Variants in ABCE1 observed in about 807,000 individuals in gnomAD.
ABCE1 encodes the protein ATP binding cassette subfamily E member 1.
In ABCE1, 22 loss-of-function variants were observed where a neutral mutation model predicts 83.4. The ratio of observed to expected loss-of-function variants is 0.26; its 90% confidence interval spans 0.19 to 0.38. The LOEUF is 0.38. Ranked by LOEUF, ABCE1 falls within the 10% of genes least tolerant of loss-of-function variation. The pLI is 1.00. For synonymous variants in ABCE1, 204 were observed against 233.7 expected, an observed-to-expected ratio of 0.87 and a Z score of 1.16; for missense variants, 330 against 721.9, an observed-to-expected ratio of 0.46 and a Z score of 6.22.
intron 8 of ABCE1, 135 bp downstream of exon 8, chr4:145,111,199 T>G: frequency 3.6e-6 from 2 of 555,772 alleles, no homozygotes; most frequent in South Asian, 5.4e-5. Flanking sequence ...AGGTAAGATG[T>G]TGAAGCAGTT....
chr4:145,116,148 T>A (rs1749602699), intron 9 of ABCE1, among the ~76,000 whole-genome samples: 1 of 151,832 alleles, frequency 6.6e-6, no homozygotes, highest in South Asian at 2.1e-4. Flanking sequence ...ACCAGAGAAG[T>A]AGAGAAGTGG....
At chr4:145,110,845 A>G (rs1476847812) in intron 7 of ABCE1, 123 bp from the exon 8 acceptor site, 1 of 631,108 alleles carries the variant, frequency 1.6e-6, no homozygotes, top group African/African-American at 1.9e-5. Flanking sequence ...ATCTCCAGTA[A>G]TTGTTATATT....
At chr4:145,102,015 T>G (rs1749166012) in intron 1 of ABCE1, among the ~76,000 whole-genome samples, 1 of 152,128 alleles carries the variant, frequency 6.6e-6, no homozygotes, top group East Asian at 1.9e-4. Flanking sequence ...ACTCTGCATT[T>G]AGAAGCCTGG....
At chr4:145,102,783 G>A (rs899562589) in intron 1 of ABCE1, among the ~76,000 whole-genome samples, 1 of 152,158 alleles carries the variant, frequency 6.6e-6, no homozygotes, top group Non-Finnish European at 1.5e-5. Context: ...TGTGTAGTAG[G>A]GGGTGAACTA....
Position 145,123,413 on chromosome 4 carries a change from C to G in ABCE1, c.1517+56C>G, listed in dbSNP as rs1749795597. ...TTATGTATACTGTCCTACAAGTGTG[C>G]TTAATATAACAGTCGAATGTTTTAT... On this transcript the variant is annotated intron_variant, in intron 15 of 17. Transcript: ENST00000296577. 28 of 1,586,928 alleles carry G rather than the reference C, an allele frequency of 1.8e-5. No homozygotes were observed. The South Asian group carries it at 3.0e-4, about 17-fold the overall frequency.
At chr4:145,125,376 G>C (rs1427346028) in intron 17 of ABCE1, among the ~76,000 whole-genome samples, 1 of 152,124 alleles carries the variant, frequency 6.6e-6, no homozygotes, top group African/African-American at 2.4e-5. Flanking sequence ...TCTGAGGCAG[G>C]AGAATCACTT....
In ABCE1 at chr4:145,112,220, T is replaced by C. The variant is rs1468465803; in HGVS notation, c.711-19T>C. On this transcript the variant is annotated intron_variant, in intron 8 of 17. Transcript: ENST00000296577. ...TGTCTTTCAAACTTATATTTGCTTT[T>C]TTTTTTTTTTTTTCATAGTTTCATG... The C allele has an allele frequency of 1.4e-6, 2 of 1,414,534 alleles. No homozygotes were observed. The highest frequency in any genetic ancestry group is 1.9e-4 in the Middle Eastern group (1 of 5,304). The allele number at this position is 1,414,534 out of a possible 1,614,324, so 87.6% of individuals were successfully genotyped here. A position where few individuals can be genotyped will look rare whatever the true frequency, so the allele number is the denominator to read the frequency against.
At chr4:145,108,545 A>G (rs943765083) in intron 4 of ABCE1, among the ~76,000 whole-genome samples, 2 of 152,240 alleles carry the variant, frequency 1.3e-5, no homozygotes, top group African/African-American at 4.8e-5. Context: ...GACATGTATT[A>G]TTAAGGCACA....
rs898799461 is a variant in ABCE1 at position 145,105,772 on chromosome 4, T to C, written c.189+82T>C. 7 of 890,894 alleles carry C rather than the reference T, an allele frequency of 7.9e-6. No individual in the cohort carries two copies. The Admixed American group carries it at 1.2e-4, about 15-fold the overall frequency. The allele number at this position is 890,894 out of a possible 1,614,324, so 55.2% of individuals were successfully genotyped here. A position where few individuals can be genotyped will look rare whatever the true frequency, so the allele number is the denominator to read the frequency against. On this transcript the variant is annotated intron_variant, in intron 3 of 17. Coordinates refer to ENST00000296577, the MANE Select transcript of ABCE1 (RefSeq NM_002940.3). ...ATTCTGGATACTATGCTATAACTAC[T>C]TTAAGTGAGGCAAAGTATAAAGCAA...
intron 3 of ABCE1, among the ~76,000 whole-genome samples, chr4:145,106,969 T>C (rs1024040747): frequency 1.3e-5 from 2 of 152,172 alleles, no homozygotes; most frequent in Admixed American, 6.5e-5. Flanking sequence ...CCTAAGCTCA[T>C]TGAACATGTC....
intron 4 of ABCE1, 106 bp downstream of exon 4, chr4:145,108,218 C>G (rs1749360796): frequency 4.2e-6 from 4 of 945,110 alleles, no homozygotes; most frequent in Non-Finnish European, 6.6e-6. Flanking sequence ...TAACCAGTCA[C>G]TAAAGGAAAA....
chr4:145,101,180 T>C (rs1343983349), intron 1 of ABCE1, among the ~76,000 whole-genome samples: 1 of 152,024 alleles, frequency 6.6e-6, no homozygotes, highest in Non-Finnish European at 1.5e-5. Flanking sequence ...GTAGTGTATA[T>C]TGTGGTAGTG....
At chr4:145,120,207 A>C in intron 11 of ABCE1, 54 bp downstream of exon 11, 1 of 1,475,408 alleles carries the variant, frequency 6.8e-7, no homozygotes, top group South Asian at 1.2e-5. Flanking sequence ...CTAGTAAATT[A>C]GTTTTAACTG....
At position 145,127,514 on chromosome 4, in the gene ABCE1, T is replaced by G. The variant is rs779528662; in HGVS notation, c.1753-12T>G. ...TGTTGCTGATTTTTGTGGCTTCTGT[T>G]TTCTTTTTTAGGATGTAGAACAAAA... On this transcript the variant is annotated splice_polypyrimidine_tract_variant and intron_variant, in intron 17 of 17. Transcript: ENST00000296577. 6.3e-7 allele frequency: 1 copy of G among 1,583,100 alleles called. No homozygotes were observed. The highest frequency in any genetic ancestry group is 8.5e-7 in the Non-Finnish European group (1 of 1,169,740).
At chr4:145,101,726 A>G (rs1749160295) in intron 1 of ABCE1, among the ~76,000 whole-genome samples, 1 of 152,310 alleles carries the variant, frequency 6.6e-6, no homozygotes, top group South Asian at 2.1e-4. Context: ...AAATGACTTC[A>G]AGGATTTGGG....
intron 9 of ABCE1, among the ~76,000 whole-genome samples, chr4:145,116,631 T>G (rs1749612425): frequency 6.6e-6 from 1 of 151,962 alleles, no homozygotes; most frequent in Non-Finnish European, 1.5e-5. Flanking sequence ...CCTTCATGAC[T>G]ATTACTTGCG....
intron 1 of ABCE1, among the ~76,000 whole-genome samples, chr4:145,099,735 G>A (rs1749074134): frequency 1.3e-5 from 2 of 152,306 alleles, no homozygotes; most frequent in South Asian, 2.1e-4. Flanking sequence ...ACTATTTCAT[G>A]TGATACTAAA....
chr4:145,100,139 T>A (rs1749099471), intron 1 of ABCE1, among the ~76,000 whole-genome samples: 1 of 152,228 alleles, frequency 6.6e-6, no homozygotes, highest in Non-Finnish European at 1.5e-5. Flanking sequence ...CATTACAATT[T>A]ATCACTATTT....
chr4:145,124,264 T>C (rs1461153755), intron 16 of ABCE1, among the ~76,000 whole-genome samples: 1 of 152,208 alleles, frequency 6.6e-6, no homozygotes, highest in Non-Finnish European at 1.5e-5. Context: ...CAGCATGTTT[T>C]CTGGTATTGG....
Sources: allele counts gnomAD v4.1 joint callset (sites outside exome capture counted in the v4.1 genomes callset), GRCh38; gene constraint gnomAD v4.1.1; transcripts MANE v1.5; gene names NCBI Gene and HGNC (gene_info 2026-07-23, HGNC 2026-07-21).